The following RNF214 variants were observed in gnomAD, a reference collection of about 807,000 sequenced individuals.
The protein encoded by RNF214 is ring finger protein 214.
In RNF214, 25 loss-of-function variants were observed where a neutral mutation model predicts 75.9. The observed-to-expected ratio is 0.33, with a 90% CI of 0.24 to 0.46. The LOEUF (loss-of-function observed/expected upper bound fraction) is 0.46. Among genes scored for constraint, RNF214 ranks in the 20% least tolerant of loss-of-function variants. The pLI is 1.00. For missense variants in RNF214, 725 were observed against 857.5 expected, an observed-to-expected ratio of 0.85 and a Z score of 1.93; for synonymous variants, 314 against 308.8, an observed-to-expected ratio of 1.02 and a Z score of -0.18.
Position 117,265,925 on chromosome 11 carries a change from A to G in RNF214, c.960-13983A>G, listed in dbSNP as rs536990542. Among the ~76,000 whole-genome samples, 99 of 152,314 alleles carry G rather than the reference A, an allele frequency of 6.5e-4. No homozygotes were observed. In the South Asian group the frequency reaches 0.018, roughly 28 times the overall value. ...CTCTCTCATTCTGCCGTTCCTAAGT[A>G]AACACTGAGCTGTGTCTGCCACTAT... is the stretch of plus-strand genomic sequence containing the variant. On this transcript the variant is annotated intron_variant, in intron 6 of 14. Transcript: ENST00000300650.
chr11:117,283,578 C>A (rs544393119), intron 14 of RNF214, among the ~76,000 whole-genome samples: 1 of 152,216 alleles, frequency 6.6e-6, no homozygotes, highest in South Asian at 2.1e-4. Flanking sequence ...CCAGGCTGGT[C>A]TCGAACTCCT....
Position 117,238,610 on chromosome 11 carries a change from C to T in RNF214, c.117C>T (p.Asp39=). The T allele has an allele frequency of 2.5e-6, 4 of 1,611,834 alleles. No individual in the cohort carries two copies. In the South Asian group the frequency reaches 3.3e-5, roughly 13 times the overall value. The change falls in exon 3 of 15, where the codon GAC becomes GAT. Residue 39 remains aspartate (D), a synonymous_variant. Transcript: ENST00000300650. ...CTTGTGTGTTTGATAGCACCAAAGA[C>T]TCTGCACAGAAGCAGAAGAACTCGC... ...EGLPDGLSTK[D]SAQKQKNSPL... is the part of the protein sequence containing the mutation.
intron 6 of RNF214, among the ~76,000 whole-genome samples, chr11:117,276,748 A>G (rs916323998): frequency 3.9e-5 from 6 of 152,230 alleles, no homozygotes; most frequent in East Asian, 1.9e-4. Flanking sequence ...TTCCATTGAC[A>G]TAAGAGGATT....
chr11:117,248,240 T>C (rs2033281438), intron 6 of RNF214, among the ~76,000 whole-genome samples: 1 of 151,960 alleles, frequency 6.6e-6, no homozygotes, highest in Non-Finnish European at 1.5e-5. Flanking sequence ...CATGCCTGGC[T>C]AACATTTTTG....
intron 6 of RNF214, among the ~76,000 whole-genome samples, chr11:117,255,616 G>A (rs2033502546): frequency 6.6e-6 from 1 of 151,788 alleles, no homozygotes; most frequent in African/African-American, 2.4e-5. Context: ...GCCTCCCAAA[G>A]TGCTGGGATT....
At chr11:117,240,978 A>C (rs1263148622) in intron 4 of RNF214, among the ~76,000 whole-genome samples, 3 of 151,706 alleles carry the variant, frequency 2.0e-5, no homozygotes, top group Non-Finnish European at 4.4e-5. Flanking sequence ...CAGGAGTTCG[A>C]GACCAGCCTG....
intron 4 of RNF214, among the ~76,000 whole-genome samples, 158 bp from the exon 5 acceptor site, chr11:117,244,287 A>G (rs1478493976): frequency 6.6e-6 from 1 of 152,076 alleles, no homozygotes; most frequent in Non-Finnish European, 1.5e-5. Flanking sequence ...AGCCAATCTC[A>G]TCATATTTTA....
At chr11:117,283,500 A>G (rs996546434) in intron 14 of RNF214, among the ~76,000 whole-genome samples, 1 of 152,000 alleles carries the variant, frequency 6.6e-6, no homozygotes, top group Non-Finnish European at 1.5e-5. Context: ...AGCTGGGACT[A>G]CAGGCGCCTG....
chr11:117,267,100 C>T (rs1393006613), intron 6 of RNF214, among the ~76,000 whole-genome samples: 1 of 151,990 alleles, frequency 6.6e-6, no homozygotes, highest in East Asian at 1.9e-4. Flanking sequence ...TATCAGCCTC[C>T]AGAGTATTGA....
chr11:117,234,958 T>C (rs1367675776), intron 2 of RNF214, among the ~76,000 whole-genome samples: 1 of 152,164 alleles, frequency 6.6e-6, no homozygotes, highest in Non-Finnish European at 1.5e-5. Context: ...CCACCCTACT[T>C]AAAGCTATTA....
intron 6 of RNF214, among the ~76,000 whole-genome samples, chr11:117,252,664 G>A (rs1175126052): frequency 1.3e-5 from 2 of 151,996 alleles, no homozygotes; most frequent in Non-Finnish European, 2.9e-5. Context: ...GGGACTACAT[G>A]TGCCTGCCAC....
chr11:117,235,628 T>A (rs2032886317), intron 2 of RNF214, among the ~76,000 whole-genome samples: 1 of 150,622 alleles, frequency 6.6e-6, no homozygotes, highest in Non-Finnish European at 1.5e-5. Context: ...TACCTCAGCC[T>A]CCCAAGTAGC....
intron 6 of RNF214, among the ~76,000 whole-genome samples, chr11:117,272,574 T>TACACACTAC (rs1174758311): frequency 1.3e-5 from 2 of 152,152 alleles, no homozygotes. Flanking sequence ...CTACATATTC[T>TACACACTAC]GCACTAGTAT....
chr11:117,261,238 A>T (rs1183589262), intron 6 of RNF214, among the ~76,000 whole-genome samples: 1 of 152,210 alleles, frequency 6.6e-6, no homozygotes, highest in Non-Finnish European at 1.5e-5. Flanking sequence ...TCTGAGACTT[A>T]TTAAAATGAA....
At chr11:117,280,876 A>C (rs2134421003) in intron 8 of RNF214, among the ~76,000 whole-genome samples, 1 of 152,146 alleles carries the variant, frequency 6.6e-6, no homozygotes, top group Non-Finnish European at 1.5e-5. Flanking sequence ...AGTGAGGCAA[A>C]GGAATTCGAA....
At chr11:117,242,983 G>A (rs890489909) in intron 4 of RNF214, among the ~76,000 whole-genome samples, 1 of 152,126 alleles carries the variant, frequency 6.6e-6, no homozygotes, top group Non-Finnish European at 1.5e-5. Flanking sequence ...CAAAGATTCC[G>A]GGGTCCACCT....
chr11:117,270,331 G>A (rs2033884768), intron 6 of RNF214, among the ~76,000 whole-genome samples: 1 of 141,484 alleles, frequency 7.1e-6, no homozygotes, highest in African/African-American at 2.7e-5. Context: ...GATCACGGCT[G>A]ACTGCAGCCT....
chr11:117,256,330 A>C (rs2033521589), intron 6 of RNF214, among the ~76,000 whole-genome samples: 1 of 152,270 alleles, frequency 6.6e-6, no homozygotes, highest in Non-Finnish European at 1.5e-5. Flanking sequence ...TGTAAAAGTT[A>C]ATATCTTGAA....
intron 4 of RNF214, among the ~76,000 whole-genome samples, chr11:117,241,775 T>A (rs2033086544): frequency 6.6e-6 from 1 of 152,216 alleles, no homozygotes. Flanking sequence ...TTGATACTAT[T>A]TTGATACTAT....
Sources: gnomAD v4.1 joint callset for allele counts (sites outside exome capture counted in the v4.1 genomes callset) on GRCh38, gnomAD v4.1.1 for gene constraint, MANE v1.5 for transcripts, NCBI Gene and HGNC (gene_info 2026-07-23, HGNC 2026-07-21) for gene names.